SOBP: variants seen among roughly 807,000 people sequenced by gnomAD.
The protein encoded by SOBP is sine oculis-binding protein homolog.
A neutral mutation model predicts 53.6 loss-of-function variants in SOBP; 4 were observed. The ratio of observed to expected loss-of-function variants is 0.07; its 90% CI spans 0.04 to 0.17. The LOEUF (loss-of-function observed/expected upper bound fraction) is 0.17, where lower values mean the gene tolerates loss of function less well. Among genes scored for constraint, SOBP ranks in the 10% least tolerant of loss-of-function variants. The pLI, the probability that SOBP is intolerant of heterozygous loss-of-function variation, is 1.00. For missense variants in SOBP, 1,088 were observed against 1,204.7 expected (o/e 0.90, Z 1.43); for synonymous variants, 584 against 522.6 (o/e 1.12, Z -1.60).
At chr6:107,536,563 C>T (rs1331042908) in intron 4 of SOBP, among the ~76,000 whole-genome samples, 2 of 151,968 alleles carry the variant, frequency 1.3e-5, no homozygotes, top group Admixed American at 1.3e-4. Context: ...TTTAATGGGG[C>T]GGGTTGAAAG....
chr6:107,611,835 A>C (rs1016350154), intron 5 of SOBP, among the ~76,000 whole-genome samples: 2 of 152,194 alleles, frequency 1.3e-5, no homozygotes. Context: ...TGAAGGAGTT[A>C]ACTAATTCCA....
chr6:107,578,504 A>G (rs1020200889), intron 4 of SOBP, among the ~76,000 whole-genome samples: 1 of 152,170 alleles, frequency 6.6e-6, no homozygotes. Flanking sequence ...TGGTTCTACC[A>G]CTTGTTAACT....
rs982205875 is a variant in SOBP at position 107,642,522 on chromosome 6, G to C, written c.*3+7053G>C. Reference sequence around the variant, plus strand: ...GAATTAATGATCATAAGCAAAAAATGCTTGTGCAATTGTACTGTGTGGTCC... The same window carrying C: ...GAATTAATGATCATAAGCAAAAAATCCTTGTGCAATTGTACTGTGTGGTCC... On this transcript the variant is annotated intron_variant, in intron 6 of 6. Transcript: ENST00000317357. Among the ~76,000 whole-genome samples the C allele has an allele frequency of 4.7e-4, 72 of 152,316 alleles. 1 individual carries two copies. The highest frequency in any genetic ancestry group is 1.7e-3 in the African/African-American group (71 of 41,568).
chr6:107,490,420 A>G lies in SOBP; in HGVS notation c.-197A>G. ...CTATCCTTACCCGTGACAGCCACTG[A>G]CGTCCTCCGCCGCTAGAAGAGACCC... On this transcript the variant is annotated 5_prime_UTR_variant, in exon 1 of 7. An upstream open reading frame in the 5' UTR loses its in-frame stop. Coordinates refer to ENST00000317357, the MANE Select transcript of SOBP (RefSeq NM_018013.4). 1 of 525,140 alleles carries G rather than the reference A, an allele frequency of 1.9e-6. No individual in the cohort carries two copies. The allele number at this position is 525,140 out of a possible 1,614,324, so 32.5% of individuals were successfully genotyped here.
intron 3 of SOBP, among the ~76,000 whole-genome samples, chr6:107,530,973 C>CTCCCTTTAAAAAA (rs1783806331): frequency 1.3e-5 from 2 of 152,344 alleles, no homozygotes; most frequent in Middle Eastern, 3.4e-3. Context: ...GTGGGTCTGT[C>CTCCCTTTAAAAAA]TGGTGATGAT....
intron 6 of SOBP, among the ~76,000 whole-genome samples, chr6:107,647,231 T>C (rs1321476165): frequency 6.6e-6 from 1 of 152,200 alleles, no homozygotes; most frequent in African/African-American, 2.4e-5. Context: ...CAACAATGCA[T>C]GAGACTTAGC....
intron 6 of SOBP, among the ~76,000 whole-genome samples, chr6:107,638,945 C>A (rs900962055): frequency 3.4e-4 from 51 of 151,892 alleles, no homozygotes; most frequent in African/African-American, 1.2e-3. Flanking sequence ...GTCTGTTGCC[C>A]AGGCTGGAGT....
At chr6:107,522,736 G>T (rs1217189322) in intron 3 of SOBP, among the ~76,000 whole-genome samples, 1 of 151,782 alleles carries the variant, frequency 6.6e-6, no homozygotes, top group Non-Finnish European at 1.5e-5. Flanking sequence ...TAGAGATGGT[G>T]TTTCACCATG....
At chr6:107,572,594 G>C (rs1215251293) in intron 4 of SOBP, among the ~76,000 whole-genome samples, 1 of 152,190 alleles carries the variant, frequency 6.6e-6, no homozygotes, top group Non-Finnish European at 1.5e-5. Flanking sequence ...ATGAGCCACT[G>C]CACCTGGCCT....
chr6:107,500,777 G>A lies in SOBP; in HGVS notation c.97-2880G>A, dbSNP rs555133806. On this transcript the variant is annotated intron_variant, in intron 1 of 6. Transcript: ENST00000317357. ...CCTGACCTTGTGATCTGCCCACCTT[G>A]GCCTCCCAAAGTGCTGGGATTACAG... is the stretch of plus-strand genomic sequence containing the variant. 1.5e-4 allele frequency among the ~76,000 whole-genome samples: 23 copies of A among 152,116 alleles called. 1 individual carries two copies. The South Asian group carries it at 3.7e-3, about 25-fold the overall frequency.
At position 107,490,528 on chromosome 6, in the gene SOBP, GCACCACCTC is replaced by G; in HGVS notation, c.-84_-76del. 1.1e-6 allele frequency: 1 copy of G among 912,550 alleles called. No homozygotes were observed. The highest frequency in any genetic ancestry group is 1.7e-6 in the Non-Finnish European group (1 of 575,996). The allele number at this position is 912,550 out of a possible 1,614,324, so 56.5% of individuals were successfully genotyped here. On this transcript the variant is annotated 5_prime_UTR_variant, in exon 1 of 7. Coordinates refer to ENST00000317357, the MANE Select transcript of SOBP (RefSeq NM_018013.4). ...ACCTCCGCCAGCCTCGCCACCATCA[GCACCACCTC>G]CACCGCCGCCGCCGCCGCCACCACC...
At chr6:107,602,166 A>G (rs1786204272) in intron 5 of SOBP, among the ~76,000 whole-genome samples, 1 of 152,182 alleles carries the variant, frequency 6.6e-6, no homozygotes, top group African/African-American at 2.4e-5. Context: ...AGTCCACATG[A>G]TATAGAGAAA....
intron 4 of SOBP, among the ~76,000 whole-genome samples, chr6:107,545,729 G>A (rs1031125495): frequency 6.6e-6 from 1 of 151,938 alleles, no homozygotes; most frequent in Non-Finnish European, 1.5e-5. Context: ...AGGTGACTGT[G>A]AACCAGGGAC....
At chr6:107,620,263 G>A (rs898580392) in intron 5 of SOBP, among the ~76,000 whole-genome samples, 1 of 152,154 alleles carries the variant, frequency 6.6e-6, no homozygotes. Flanking sequence ...TCCACTTCCA[G>A]CTCCCTTCTC....
At chr6:107,518,473 A>T (rs1157565401) in intron 3 of SOBP, among the ~76,000 whole-genome samples, 1 of 152,236 alleles carries the variant, frequency 6.6e-6, no homozygotes, top group Non-Finnish European at 1.5e-5. Context: ...GCAATAATTT[A>T]TACAATTAAG....
At chr6:107,535,088 G>C (rs1010507869) in intron 4 of SOBP, among the ~76,000 whole-genome samples, 5 of 152,106 alleles carry the variant, frequency 3.3e-5, no homozygotes, top group Non-Finnish European at 5.9e-5. Flanking sequence ...ATTCTGAAGG[G>C]TTATGGGTCT....
intron 5 of SOBP, among the ~76,000 whole-genome samples, chr6:107,609,778 G>T (rs1186802779): frequency 6.6e-6 from 1 of 152,090 alleles, no homozygotes; most frequent in Non-Finnish European, 1.5e-5. Flanking sequence ...ACTCCCACCA[G>T]ACCATCACTG....
At chr6:107,506,468 A>C (rs1782996560) in intron 3 of SOBP, 41 bp downstream of exon 3, 14 of 1,608,536 alleles carry the variant, frequency 8.7e-6, no homozygotes, top group Non-Finnish European at 1.2e-5. Context: ...CAATTCATAG[A>C]AAGTTGTTTT....
rs73762263 is a variant in SOBP at position 107,566,282 on chromosome 6, C to T, written c.574-20798C>T. Among the ~76,000 whole-genome samples, 167 of 152,362 alleles carry T rather than the reference C, an allele frequency of 1.1e-3. 3 individuals are homozygous for T. Among genetic ancestry groups the T allele is most frequent in the African/African-American group, 3.6e-3 (150 of 41,588 alleles). The stretch of plus-strand genomic sequence containing the variant: ...AATGCAGTGCCCAGTCCACCTGGCT[C>T]AGCAGGTGATGGTGAGTCGTGGATG... On this transcript the variant is annotated intron_variant, in intron 4 of 6. Coordinates refer to ENST00000317357, the MANE Select transcript of SOBP (RefSeq NM_018013.4).
Sources: allele counts gnomAD v4.1 joint callset (sites outside exome capture counted in the v4.1 genomes callset), GRCh38; gene constraint gnomAD v4.1.1; transcripts MANE v1.5; gene names NCBI Gene and HGNC (gene_info 2026-07-23, HGNC 2026-07-21).